The following LIPI variants were observed in gnomAD, a reference collection of about 807,000 sequenced individuals.
LIPI encodes the protein lipase member I.
A neutral mutation model predicts 50.6 loss-of-function variants in LIPI; 59 were observed. The observed-to-expected ratio is 1.16, with a 90% CI of 0.94 to 1.45. The LOEUF (loss-of-function observed/expected upper bound fraction) is 1.45. Ranked by LOEUF, LIPI falls within the 40% of genes most tolerant of loss-of-function variation. The pLI is 0.00. For synonymous variants in LIPI, 203 were observed against 178.2 expected, an observed-to-expected ratio of 1.14 and a Z score of -1.11; for missense variants, 586 against 536.3, an observed-to-expected ratio of 1.09 and a Z score of -0.92.
intron 1 of LIPI, among the ~76,000 whole-genome samples, chr21:14,207,325 A>C (rs112562894): frequency 6.6e-6 from 1 of 152,222 alleles, no homozygotes; most frequent in African/African-American, 2.4e-5. Flanking sequence ...AACATAAAGA[A>C]ATGGTAACTG....
chr21:14,201,118 AT>A (rs540680462), intron 1 of LIPI, among the ~76,000 whole-genome samples: 70 of 152,254 alleles, frequency 4.6e-4, no homozygotes, highest in Non-Finnish European at 8.4e-4. Flanking sequence ...CTGAAGAGGG[AT>A]TAAAAACATA....
At chr21:14,207,911 T>C (rs1238198089) in intron 1 of LIPI, among the ~76,000 whole-genome samples, 2 of 152,210 alleles carry the variant, frequency 1.3e-5, no homozygotes, top group African/African-American at 2.4e-5. Flanking sequence ...TTACAGCTAT[T>C]AACTGCATGT....
At chr21:14,199,492 A>C (rs2019976887) in intron 1 of LIPI, among the ~76,000 whole-genome samples, 1 of 152,042 alleles carries the variant, frequency 6.6e-6, no homozygotes, top group African/African-American at 2.4e-5. Flanking sequence ...ATCTAGAAGA[A>C]ATTGATAAAT....
intron 8 of LIPI, among the ~76,000 whole-genome samples, chr21:14,150,422 A>G (rs538378588): frequency 8.5e-5 from 13 of 152,306 alleles, no homozygotes; most frequent in Admixed American, 2.6e-4. Flanking sequence ...ACAGTACATT[A>G]AGTGATCTTC....
At position 14,163,516 on chromosome 21, in the gene LIPI, T is replaced by A; in HGVS notation, c.909A>T (p.Gln303His). Residue 303 changes from glutamine (Q) to histidine (H), a missense_variant, in exon 7 of 10, where the codon CAA becomes CAT. Transcript: ENST00000681601. ...TTAAAACACCTTTAAATAGCTTGGC[T>A]TGATAACCTGAGATTTGAGAAATAG... ...KEKSCPRLGY[Q>H]AKLFKGVLKE... 7 of 1,498,632 alleles carry A rather than the reference T, an allele frequency of 4.7e-6. No homozygotes were observed. The highest frequency in any genetic ancestry group is 5.6e-6 in the Non-Finnish European group (6 of 1,075,218). The allele number at this position is 1,498,632 out of a possible 1,614,324, so 92.8% of individuals were successfully genotyped here. A position where few individuals can be genotyped will look rare whatever the true frequency, so the allele number is the denominator to read the frequency against.
At chr21:14,129,267 C>T (rs1465375391) in intron 9 of LIPI, among the ~76,000 whole-genome samples, 1 of 151,736 alleles carries the variant, frequency 6.6e-6, no homozygotes, top group Non-Finnish European at 1.5e-5. Flanking sequence ...TATATTATAC[C>T]ACTAAAAATA....
intron 7 of LIPI, among the ~76,000 whole-genome samples, chr21:14,157,970 G>T (rs192668813): frequency 2.0e-5 from 3 of 151,868 alleles, no homozygotes; most frequent in Admixed American, 6.6e-5. Flanking sequence ...GAAAAATTAT[G>T]TCCAAGTACT....
At chr21:14,165,529 G>T in intron 5 of LIPI, 139 bp from the exon 6 acceptor site, 1 of 625,754 alleles carries the variant, frequency 1.6e-6, no homozygotes, top group Non-Finnish European at 2.8e-6. Context: ...ACAGTTTTAT[G>T]TCAAACCACT....
chr21:14,209,001 T>C (rs2123364764), intron 1 of LIPI, among the ~76,000 whole-genome samples: 1 of 152,236 alleles, frequency 6.6e-6, no homozygotes, highest in South Asian at 2.1e-4. Context: ...TAGTGAGCCA[T>C]GAACTTCACA....
At chr21:14,193,706 C>T (rs892540031) in intron 1 of LIPI, among the ~76,000 whole-genome samples, 8 of 151,838 alleles carry the variant, frequency 5.3e-5, no homozygotes, top group African/African-American at 1.7e-4. Flanking sequence ...AACATTCATA[C>T]CTTGGATTTG....
chr21:14,157,236 A>G (rs1313278443), intron 7 of LIPI, among the ~76,000 whole-genome samples: 2 of 151,928 alleles, frequency 1.3e-5, no homozygotes, highest in Admixed American at 1.3e-4. Context: ...CAAGTTTACT[A>G]AGATACCCAT....
chr21:14,108,925 C>A lies in LIPI; in HGVS notation c.*68G>T. 1 of 1,589,518 alleles carries A rather than the reference C, an allele frequency of 6.3e-7. No homozygotes were observed. The highest frequency in any genetic ancestry group is 8.6e-7 in the Non-Finnish European group (1 of 1,159,906). Reference sequence around the variant, plus strand: ...AAATTGAACAGTGCATTATAAAAGACTGATTGCATTGTTTCATTTACAAGT... The same window carrying A: ...AAATTGAACAGTGCATTATAAAAGAATGATTGCATTGTTTCATTTACAAGT... On this transcript the variant is annotated 3_prime_UTR_variant, in exon 10 of 10. Coordinates refer to ENST00000681601, the MANE Select transcript of LIPI (RefSeq NM_001302998.2).
chr21:14,130,782 C>A (rs2017262211), intron 9 of LIPI, among the ~76,000 whole-genome samples: 1 of 150,170 alleles, frequency 6.7e-6, no homozygotes, highest in Non-Finnish European at 1.5e-5. Context: ...AGCTGTGGGA[C>A]TGAGGTCTAG....
intron 8 of LIPI, among the ~76,000 whole-genome samples, chr21:14,146,772 A>ATCTTTTTTTT (rs2017920847): frequency 1.4e-5 from 1 of 73,372 alleles, no homozygotes; most frequent in Non-Finnish European, 2.4e-5. Context: ...CCCAGTCTCT[A>ATCTTTTTTTT]TTTTTTTTTT....
intron 9 of LIPI, among the ~76,000 whole-genome samples, chr21:14,116,103 T>C (rs1459862538): frequency 6.6e-6 from 1 of 151,836 alleles, no homozygotes; most frequent in Non-Finnish European, 1.5e-5. Flanking sequence ...GAGTGGTGTG[T>C]GTATGTGTGT....
intron 8 of LIPI, among the ~76,000 whole-genome samples, chr21:14,145,764 C>T (rs902402251): frequency 6.6e-6 from 1 of 152,158 alleles, no homozygotes. Flanking sequence ...GAGCCAACAA[C>T]AACTTGGTTA....
At chr21:14,172,072 T>A (rs1034798433) in intron 4 of LIPI, among the ~76,000 whole-genome samples, 17 of 152,136 alleles carry the variant, frequency 1.1e-4, no homozygotes, top group Non-Finnish European at 1.6e-4. Context: ...GAACCAACAC[T>A]TCTCAAAAGA....
chr21:14,113,715 A>G (rs909051219), intron 9 of LIPI, among the ~76,000 whole-genome samples: 2 of 152,204 alleles, frequency 1.3e-5, no homozygotes, highest in Admixed American at 1.3e-4. Context: ...CTGTTCTCAC[A>G]CTGCTATAAA....
chr21:14,157,598 G>A (rs2018317557), intron 7 of LIPI, among the ~76,000 whole-genome samples: 1 of 151,796 alleles, frequency 6.6e-6, no homozygotes, highest in South Asian at 2.1e-4. Flanking sequence ...TTTGAGGCCT[G>A]GAAAACGTCT....
Sources: gnomAD v4.1 joint callset for allele counts (sites outside exome capture counted in the v4.1 genomes callset) on GRCh38, gnomAD v4.1.1 for gene constraint, MANE v1.5 for transcripts, NCBI Gene and HGNC (gene_info 2026-07-23, HGNC 2026-07-21) for gene names.